The following PKP4 variants were observed in gnomAD, a reference collection of about 807,000 sequenced individuals.
PKP4 encodes plakophilin-4.
PKP4 carries 90 observed loss-of-function variants against 145.1 expected under a neutral mutation model. That is an observed-to-expected ratio of 0.62 (90% CI 0.52 to 0.74). The LOEUF (loss-of-function observed/expected upper bound fraction) is 0.74, where lower values mean the gene tolerates loss of function less well. PKP4 is among the 30% of genes least tolerant of loss of function. The pLI is 0.00. For synonymous variants in PKP4, 563 were observed against 577.2 expected (o/e 0.98, Z 0.35); for missense variants, 1,340 against 1,482.7 (o/e 0.90, Z 1.58).
At chr2:158,516,209 C>A (rs2041931503) in intron 1 of PKP4, among the ~76,000 whole-genome samples, 2 of 152,104 alleles carry the variant, frequency 1.3e-5, no homozygotes, top group African/African-American at 4.8e-5. Flanking sequence ...CACTGGGGAT[C>A]TGACCCACAT....
intron 2 of PKP4, among the ~76,000 whole-genome samples, chr2:158,567,168 A>C (rs918012069): frequency 2.6e-5 from 4 of 152,184 alleles, no homozygotes; most frequent in African/African-American, 9.7e-5. Context: ...TGAGTGAAAT[A>C]TAGATTCCAC....
chr2:158,564,007 G>T (rs577100680), intron 2 of PKP4, among the ~76,000 whole-genome samples: 2 of 152,034 alleles, frequency 1.3e-5, no homozygotes, highest in Non-Finnish European at 2.9e-5. Context: ...ATAATACTTC[G>T]TGTCTTTTCT....
At chr2:158,650,856 T>C (rs1481851672) in intron 11 of PKP4, among the ~76,000 whole-genome samples, 1 of 152,246 alleles carries the variant, frequency 6.6e-6, no homozygotes, top group Non-Finnish European at 1.5e-5. Context: ...TGCAGTGCTC[T>C]GTGCCAGGCA....
intron 1 of PKP4, among the ~76,000 whole-genome samples, chr2:158,522,799 C>T (rs377324061): frequency 0.039 from 5,903 of 152,214 alleles, 233 homozygotes; most frequent in African/African-American, 0.11. Flanking sequence ...CAAAGCAGGG[C>T]GAGGCATTGC....
chr2:158,675,156 T>C (rs2057893903), intron 19 of PKP4, among the ~76,000 whole-genome samples: 1 of 152,170 alleles, frequency 6.6e-6, no homozygotes, highest in Non-Finnish European at 1.5e-5. Flanking sequence ...GAAATTAAGA[T>C]GTGTGGCTCT....
chr2:158,593,986 A>G (rs2049498776), intron 3 of PKP4, among the ~76,000 whole-genome samples: 1 of 152,192 alleles, frequency 6.6e-6, no homozygotes, highest in Non-Finnish European at 1.5e-5. Context: ...GTAAAGACTA[A>G]AATTGTAAAA....
At chr2:158,636,346 G>A (rs2053808111) in intron 9 of PKP4, among the ~76,000 whole-genome samples, 1 of 151,804 alleles carries the variant, frequency 6.6e-6, no homozygotes, top group Non-Finnish European at 1.5e-5. Flanking sequence ...TTTAAAAGAT[G>A]TCATTCATTG....
chr2:158,656,769 A>ATTGT (rs2055984846), intron 11 of PKP4, among the ~76,000 whole-genome samples: 1 of 152,102 alleles, frequency 6.6e-6, no homozygotes, highest in Admixed American at 6.5e-5. Flanking sequence ...GAGTCAGAAG[A>ATTGT]TTGTTTCACT....
chr2:158,561,430 T>C (rs1451794579), intron 2 of PKP4, among the ~76,000 whole-genome samples: 1 of 152,216 alleles, frequency 6.6e-6, no homozygotes, highest in African/African-American at 2.4e-5. Context: ...GCAGATGGTG[T>C]TGCCTTGTTG....
chr2:158,498,592 A>G (rs1385262110), intron 1 of PKP4, among the ~76,000 whole-genome samples: 1 of 152,176 alleles, frequency 6.6e-6, no homozygotes, highest in Non-Finnish European at 1.5e-5. Flanking sequence ...TGGGAATCTC[A>G]TGCACTCTGC....
chr2:158,637,583 T>G (rs551834513), intron 9 of PKP4, among the ~76,000 whole-genome samples: 2 of 152,204 alleles, frequency 1.3e-5, no homozygotes, highest in African/African-American at 2.4e-5. Flanking sequence ...GGCCTCAGCT[T>G]CCTGTGTCTT....
intron 21 of PKP4, chr2:158,679,499 G>C (rs904922051): frequency 1.3e-5 from 2 of 152,166 alleles, no homozygotes; most frequent in Non-Finnish European, 2.9e-5. Flanking sequence ...GGAGAATTTA[G>C]CTCTGAAATC....
Position 158,582,147 on chromosome 2 carries a change from A to G in PKP4, c.245+4764A>G, listed in dbSNP as rs2048381595. ...TGTACCAAGTACACTAAAGTTATCT[A>G]TGCAGGTAATATTATCTGTGTATTT... is the stretch of plus-strand genomic sequence containing the variant. On this transcript the variant is annotated intron_variant, in intron 3 of 21. Transcript: ENST00000389759. Among the ~76,000 whole-genome samples, 3 of 152,320 alleles carry G rather than the reference A, an allele frequency of 2.0e-5. No homozygotes were observed. In the South Asian group the frequency reaches 6.2e-4, roughly 32 times the overall value.
intron 2 of PKP4, among the ~76,000 whole-genome samples, chr2:158,559,109 G>T (rs774226561): frequency 6.6e-6 from 1 of 152,194 alleles, no homozygotes; most frequent in Non-Finnish European, 1.5e-5. Flanking sequence ...TCAGGCTCCA[G>T]TGTGAGTTGT....
intron 11 of PKP4, among the ~76,000 whole-genome samples, chr2:158,644,746 C>A (rs1394390866): frequency 6.6e-6 from 1 of 152,104 alleles, no homozygotes; most frequent in Non-Finnish European, 1.5e-5. Context: ...TAGGGGTTAC[C>A]TCTGTGAAGA....
chr2:158,528,915 G>C (rs2043243094), intron 1 of PKP4, among the ~76,000 whole-genome samples: 1 of 152,150 alleles, frequency 6.6e-6, no homozygotes, highest in Non-Finnish European at 1.5e-5. Flanking sequence ...TTATACAGTA[G>C]ACAACATTCT....
intron 1 of PKP4, among the ~76,000 whole-genome samples, chr2:158,488,415 C>T (rs1694484367): frequency 6.6e-6 from 1 of 152,148 alleles, no homozygotes; most frequent in South Asian, 2.1e-4. Flanking sequence ...TGGTGCCTTG[C>T]TAAATTCCCA....
At chr2:158,616,813 C>A (rs2051669838) in intron 4 of PKP4, among the ~76,000 whole-genome samples, 1 of 152,186 alleles carries the variant, frequency 6.6e-6, no homozygotes, top group Non-Finnish European at 1.5e-5. Context: ...TTTACACACA[C>A]TACAGACCCT....
chr2:158,633,683 G>A (rs941900545), intron 8 of PKP4, among the ~76,000 whole-genome samples: 1 of 152,168 alleles, frequency 6.6e-6, no homozygotes, highest in Non-Finnish European at 1.5e-5. Context: ...TTAAAATTTT[G>A]ATGGTTTTAA....
Sources: gnomAD v4.1 joint callset for allele counts (sites outside exome capture counted in the v4.1 genomes callset) on GRCh38, gnomAD v4.1.1 for gene constraint, MANE v1.5 for transcripts, NCBI Gene and HGNC (gene_info 2026-07-23, HGNC 2026-07-21) for gene names.